Variants in ALMS1 observed in about 807,000 individuals in gnomAD.
The protein encoded by ALMS1 is ALMS1 centrosome and basal body associated protein.
Under a neutral mutation model 352.2 loss-of-function variants are expected in ALMS1, and 271 were observed. That is an observed-to-expected ratio of 0.77 (90% CI 0.70 to 0.85). The LOEUF is 0.85. ALMS1 is among the 40% of genes least tolerant of loss of function. The pLI is 0.00. For missense variants in ALMS1, 5,445 were observed against 4,870.7 expected (o/e 1.12, Z -3.51); for synonymous variants, 1,865 against 1,761.2 (o/e 1.06, Z -1.48).
chr2:73,581,548 A>C (rs2104131508), intron 16 of ALMS1, among the ~76,000 whole-genome samples: 1 of 152,284 alleles, frequency 6.6e-6, no homozygotes, highest in African/African-American at 2.4e-5. Flanking sequence ...GGTTTAGCAA[A>C]CACTTGGTTA....
chr2:73,386,337 C>A, intron 1 of ALMS1, 145 bp downstream of exon 1: 1 of 1,178,120 alleles, frequency 8.5e-7, no homozygotes, highest in Non-Finnish European at 1.1e-6. Context: ...GACTCCAGCC[C>A]AGGTGCCGGC....
rs553124616 is a variant in ALMS1, at chr2:73,539,488, G to A, written c.9907+4539G>A. Among the ~76,000 whole-genome samples the A allele has an allele frequency of 2.6e-5, 4 of 152,286 alleles. No homozygotes were observed. The South Asian group carries it at 8.3e-4, about 32-fold the overall frequency. ...AGCGCCTCTCCTCCTCCAAAGGAAC[G>A]TAGCTCCTCACCAGCAATGGAACAA... On this transcript the variant is annotated intron_variant, in intron 12 of 22. Transcript: ENST00000613296.
At position 73,518,003 on chromosome 2, in the gene ALMS1, A is replaced by G. The variant is rs141660986; in HGVS notation, c.9540-1772A>G. On this transcript the variant is annotated intron_variant, in intron 10 of 22. Transcript: ENST00000613296. ...TTAGGTTCAGGGGGTACATGTTCCA[A>G]TTTGTTCTATAGGTAAACTTGTGTC... Among the ~76,000 whole-genome samples the G allele has an allele frequency of 4.2e-4, 63 of 151,634 alleles. 1 individual carries two copies. Among genetic ancestry groups the G allele is most frequent in the African/African-American group, 1.4e-3 (59 of 41,350 alleles).
At chr2:73,524,346 A>C (rs937964277) in intron 11 of ALMS1, among the ~76,000 whole-genome samples, 3 of 152,236 alleles carry the variant, frequency 2.0e-5, no homozygotes, top group Non-Finnish European at 4.4e-5. Flanking sequence ...TGATATAGGC[A>C]TACAGTGTAT....
intron 9 of ALMS1, among the ~76,000 whole-genome samples, chr2:73,481,017 T>G (rs1282479706): frequency 1.3e-5 from 2 of 151,144 alleles, no homozygotes; most frequent in East Asian, 1.9e-4. Flanking sequence ...TTTCTCCCAT[T>G]TTGTAGGTTT....
intron 7 of ALMS1, among the ~76,000 whole-genome samples, chr2:73,436,334 T>G (rs1169230792): frequency 6.6e-6 from 1 of 152,242 alleles, no homozygotes; most frequent in Non-Finnish European, 1.5e-5. Flanking sequence ...TTTCAGTATC[T>G]TGATTATGAT....
At position 73,485,205 on chromosome 2, in the gene ALMS1, T is replaced by C. The variant is rs1339616234; in HGVS notation, c.7675-4429T>C. ...TCTGTTTTTTCCCCATCTTTGTGGT[T>C]TTATCTACTTTTGGTCTTTGATGAT... On this transcript the variant is annotated intron_variant, in intron 9 of 22. Transcript: ENST00000613296. Among the ~76,000 whole-genome samples, 4 of 152,252 alleles carry C rather than the reference T, an allele frequency of 2.6e-5. No individual in the cohort carries two copies. In the East Asian group the frequency reaches 7.7e-4, roughly 29 times the overall value.
chr2:73,590,867 G>C (rs924320653), intron 16 of ALMS1, among the ~76,000 whole-genome samples: 1 of 151,886 alleles, frequency 6.6e-6, no homozygotes, highest in Non-Finnish European at 1.5e-5. Flanking sequence ...TTTTAGTAGA[G>C]ACGGGGTTTC....
chr2:73,434,835 G>A (rs1364920450), intron 7 of ALMS1, among the ~76,000 whole-genome samples: 1 of 151,936 alleles, frequency 6.6e-6, no homozygotes, highest in African/African-American at 2.4e-5. Flanking sequence ...ACAGAGTCTT[G>A]TTCTGTTGCC....
intron 11 of ALMS1, among the ~76,000 whole-genome samples, chr2:73,530,992 G>C (rs1336234732): frequency 6.6e-6 from 1 of 152,202 alleles, no homozygotes; most frequent in Non-Finnish European, 1.5e-5. Context: ...TTCCCTCCTA[G>C]GCCTCCAGGC....
intron 15 of ALMS1, among the ~76,000 whole-genome samples, chr2:73,565,276 GA>G (rs1028571713): frequency 1.3e-5 from 2 of 150,504 alleles, no homozygotes; most frequent in African/African-American, 2.4e-5. Context: ...AGAAAGTAAA[GA>G]AAAAAAAATG....
Position 73,393,566 on chromosome 2 carries a change from C to T in ALMS1, c.324+7374C>T, listed in dbSNP as rs150471937. Among the ~76,000 whole-genome samples, 815 of 152,216 alleles carry T rather than the reference C, an allele frequency of 5.4e-3. 6 individuals are homozygous for T. Among genetic ancestry groups the T allele is most frequent in the African/African-American group, 0.018 (750 of 41,530 alleles). The stretch of plus-strand genomic sequence containing the variant: ...CTTCATCCACCCCACTCTCACACTC[C>T]CCACCCTTCCAAGATTCCACTCTCT... On this transcript the variant is annotated intron_variant, in intron 1 of 22. Coordinates refer to ENST00000613296, the MANE Select transcript of ALMS1 (RefSeq NM_001378454.1).
intron 16 of ALMS1, among the ~76,000 whole-genome samples, chr2:73,581,337 C>T (rs1210329725): frequency 1.3e-5 from 2 of 152,040 alleles, no homozygotes; most frequent in Non-Finnish European, 2.9e-5. Flanking sequence ...TGTGTCAGTC[C>T]ACGGCTAATA....
chr2:73,474,371 C>CTGGGTGTG (rs1672536409), intron 9 of ALMS1, among the ~76,000 whole-genome samples: 1 of 95,470 alleles, frequency 1.0e-5, no homozygotes, highest in South Asian at 4.2e-4. Flanking sequence ...CTTGTTGACT[C>CTGGGTGTG]TGTGTGTGTG....
At chr2:73,422,995 G>A (rs1671313827) in intron 4 of ALMS1, 21 bp downstream of exon 4, 1 of 1,551,192 alleles carries the variant, frequency 6.4e-7, no homozygotes, top group South Asian at 1.1e-5. Context: ...TTATTTGCAT[G>A]TAACCTTTCT....
chr2:73,589,821 C>T (rs1288129610), intron 16 of ALMS1, among the ~76,000 whole-genome samples: 1 of 152,160 alleles, frequency 6.6e-6, no homozygotes, highest in Non-Finnish European at 1.5e-5. Context: ...TCCATGTCCC[C>T]TTATGCGTCT....
Position 73,385,939 on chromosome 2 carries a change from A to C in ALMS1, c.71A>C (p.Glu24Ala). ...GAGGAGGAGGAGGAGGAGGAGGAGG[A>C]GGAAGAGGAGGAGGCTGCAGCGGCG... ...EEEEEEEEEE[E>A]EEEEAAAAAA... Residue 24 changes from glutamate (E) to alanine (A), a missense_variant, in exon 1 of 23, where the codon GAG (glutamate) becomes GCG (alanine). Transcript: ENST00000613296. 1 of 1,163,380 alleles carries C rather than the reference A, an allele frequency of 8.6e-7. No individual in the cohort carries two copies. 72.1% of individuals were successfully genotyped at this position (1,163,380 alleles called of 1,614,324 possible). A position where few individuals can be genotyped will look rare whatever the true frequency, so the allele number is the denominator to read the frequency against.
chr2:73,492,950 C>T (rs1441323201), intron 10 of ALMS1, among the ~76,000 whole-genome samples: 1 of 146,528 alleles, frequency 6.8e-6, no homozygotes, highest in East Asian at 2.0e-4. Context: ...GTTGGCAAGG[C>T]TGGTCAGTAT....
In ALMS1 at chr2:73,451,043, C is replaced by T. The variant is rs1233912426; in HGVS notation, c.4516C>T (p.Pro1506Ser). ...AGAGTCTCTGAAAGTTTCAGTTGCT[C>T]CTGGACCAGTTGGCCAGACAACTGG... Reference protein sequence around the residue: ...PEESLKVSVAPGPVGQTTGAP... With the variant: ...PEESLKVSVASGPVGQTTGAP... Residue 1506 changes from proline (P) to serine (S), a missense_variant, in exon 8 of 23, where the codon CCT becomes TCT. By Grantham distance (74) the Pro-to-Ser change is moderately conservative. Coordinates refer to ENST00000613296, the MANE Select transcript of ALMS1 (RefSeq NM_001378454.1). 2.5e-6 allele frequency: 4 copies of T among 1,611,946 alleles called. No homozygotes were observed. The highest frequency in any genetic ancestry group is 1.7e-5 in the Admixed American group (1 of 59,850).
Sources: gnomAD v4.1 joint callset for allele counts (sites outside exome capture counted in the v4.1 genomes callset) on GRCh38, gnomAD v4.1.1 for gene constraint, MANE v1.5 for transcripts, NCBI Gene and HGNC (gene_info 2026-07-23, HGNC 2026-07-21) for gene names.